The following TOX variants were observed in gnomAD, a reference collection of about 807,000 sequenced individuals.
TOX encodes the protein thymocyte selection associated high mobility group box.
A neutral mutation model predicts 53.7 loss-of-function variants in TOX; 11 were observed. The observed-to-expected ratio is 0.20, with a 90% CI of 0.13 to 0.34. The LOEUF is 0.34. Among genes scored for constraint, TOX ranks in the 10% least tolerant of loss-of-function variants. The probability of loss-of-function intolerance (pLI) is 1.00; values close to 1 mark genes in which losing one functional copy is unlikely to be tolerated. For missense variants in TOX, 570 were observed against 664.6 expected (o/e 0.86, Z 1.56); for synonymous variants, 225 against 245.3 (o/e 0.92, Z 0.77).
chr8:59,009,189 TC>T (rs1813850820), intron 1 of TOX, among the ~76,000 whole-genome samples: 1 of 151,488 alleles, frequency 6.6e-6, no homozygotes. Flanking sequence ...CTTTCTTTAT[TC>T]TTTTTTTTTC....
intron 1 of TOX, among the ~76,000 whole-genome samples, chr8:59,063,756 T>C (rs1391038185): frequency 6.6e-6 from 1 of 152,094 alleles, no homozygotes; most frequent in Non-Finnish European, 1.5e-5. Flanking sequence ...AGCTTTAAAC[T>C]TAATCTCAAC....
rs138103900 is a variant in TOX, at chr8:59,115,802, A to G, written c.102+3084T>C. On this transcript the variant is annotated intron_variant, in intron 1 of 8. Transcript: ENST00000361421. ...ACTTGCCTTAACCAACATCATTCGC[A>G]TTGTTCCCACAATGGGCTATGTGAA... 4.1e-3 allele frequency among the ~76,000 whole-genome samples: 622 copies of G among 152,216 alleles called. 7 individuals carry two copies. The highest frequency in any genetic ancestry group is 0.036 in the Admixed American group (556 of 15,280).
At chr8:59,048,010 A>G (rs1424061973) in intron 1 of TOX, among the ~76,000 whole-genome samples, 1 of 152,174 alleles carries the variant, frequency 6.6e-6, no homozygotes, top group Non-Finnish European at 1.5e-5. Context: ...CTTGATTATT[A>G]TTATAGTAAT....
At chr8:58,832,818 GT>G (rs1563365046) in intron 5 of TOX, among the ~76,000 whole-genome samples, 1 of 152,148 alleles carries the variant, frequency 6.6e-6, no homozygotes, top group Non-Finnish European at 1.5e-5. Context: ...TTCACGAGGC[GT>G]CAAACATAGG....
intron 3 of TOX, among the ~76,000 whole-genome samples, chr8:58,863,993 C>G (rs1811054694): frequency 6.6e-6 from 1 of 150,398 alleles, no homozygotes; most frequent in Non-Finnish European, 1.5e-5. Context: ...TTTTTTTTAA[C>G]ATCAGAAGGT....
At chr8:58,864,305 T>C (rs2129169375) in intron 3 of TOX, among the ~76,000 whole-genome samples, 1 of 152,306 alleles carries the variant, frequency 6.6e-6, no homozygotes, top group Middle Eastern at 3.4e-3. Flanking sequence ...TGTATTGTCC[T>C]GTAAGTCTTA....
At chr8:58,956,901 C>T in intron 2 of TOX, among the ~76,000 whole-genome samples, 1 of 152,228 alleles carries the variant, frequency 6.6e-6, no homozygotes, top group East Asian at 1.9e-4. Context: ...GCATGAGCCA[C>T]CACGCCCAGC....
At chr8:58,884,987 T>C (rs1811442573) in intron 3 of TOX, among the ~76,000 whole-genome samples, 1 of 152,174 alleles carries the variant, frequency 6.6e-6, no homozygotes, top group Non-Finnish European at 1.5e-5. Context: ...ATGTCTTTAA[T>C]ATTCCTAGAA....
intron 4 of TOX, among the ~76,000 whole-genome samples, chr8:58,850,088 C>T (rs549759965): frequency 6.2e-4 from 94 of 152,288 alleles, no homozygotes; most frequent in Non-Finnish European, 1.1e-3. Context: ...GCCTTTTCAC[C>T]TAACTCATGA....
At chr8:58,983,069 C>T (rs1813232100) in intron 1 of TOX, among the ~76,000 whole-genome samples, 1 of 152,194 alleles carries the variant, frequency 6.6e-6, no homozygotes, top group African/African-American at 2.4e-5. Flanking sequence ...GTATTTATCC[C>T]TCCTTTGAAT....
At chr8:58,841,288 A>G (rs1002395478) in intron 4 of TOX, among the ~76,000 whole-genome samples, 9 of 152,122 alleles carry the variant, frequency 5.9e-5, no homozygotes, top group Admixed American at 3.3e-4. Context: ...TGTTAGATCT[A>G]CTCCTGTTCG....
At chr8:59,027,958 T>A (rs1442137605) in intron 1 of TOX, among the ~76,000 whole-genome samples, 1 of 152,152 alleles carries the variant, frequency 6.6e-6, no homozygotes, top group Non-Finnish European at 1.5e-5. Flanking sequence ...TTATTAGGAA[T>A]CAACTCCCTA....
chr8:58,905,802 A>G (rs1051346357), intron 3 of TOX, among the ~76,000 whole-genome samples: 5 of 152,168 alleles, frequency 3.3e-5, no homozygotes, highest in African/African-American at 1.2e-4. Flanking sequence ...TTATCCAATC[A>G]TTCGACTTTG....
At chr8:58,923,442 C>T (rs4738736) in intron 3 of TOX, among the ~76,000 whole-genome samples, 45,304 of 152,004 alleles carry the variant, frequency 0.3, 7,054 homozygotes, top group East Asian at 0.41. Flanking sequence ...GGCCAAGCAT[C>T]TGGGAGGGAC....
intron 1 of TOX, among the ~76,000 whole-genome samples, chr8:59,070,934 T>C (rs958290497): frequency 3.3e-5 from 5 of 151,980 alleles, no homozygotes; most frequent in African/African-American, 4.8e-5. Context: ...CCCTGTACGA[T>C]AGAGAAATGA....
chr8:58,846,847 A>G (rs1391196316), intron 4 of TOX, among the ~76,000 whole-genome samples: 2 of 152,146 alleles, frequency 1.3e-5, no homozygotes, highest in Non-Finnish European at 2.9e-5. Context: ...TCAAGACGTA[A>G]AAGATTAGAC....
At chr8:59,081,066 G>A (rs1041315843) in intron 1 of TOX, among the ~76,000 whole-genome samples, 9 of 152,024 alleles carry the variant, frequency 5.9e-5, no homozygotes, top group South Asian at 2.1e-4. Context: ...TCACTCTGTC[G>A]CCCAGGCTGG....
chr8:59,044,740 C>T lies in TOX; in HGVS notation c.102+74146G>A, dbSNP rs138536449. Among the ~76,000 whole-genome samples the T allele has an allele frequency of 4.2e-4, 64 of 152,228 alleles. No homozygotes were observed. In the East Asian group the frequency reaches 7.3e-3, roughly 17 times the overall value. Reference sequence around the variant, plus strand: ...GTAACCCATTTCCTCTTCACACCTGCGTAAAGACTGGACAAAAGTTGAACA... The same window carrying T: ...GTAACCCATTTCCTCTTCACACCTGTGTAAAGACTGGACAAAAGTTGAACA... On this transcript the variant is annotated intron_variant, in intron 1 of 8. Transcript: ENST00000361421.
At chr8:58,987,565 T>C (rs10504272) in intron 1 of TOX, among the ~76,000 whole-genome samples, 12,564 of 152,240 alleles carry the variant, frequency 0.083, 577 homozygotes, top group Middle Eastern at 0.17. Flanking sequence ...CTAATTCTGA[T>C]TGGAGCCGGA....
Sources: gnomAD v4.1 joint callset for allele counts (sites outside exome capture counted in the v4.1 genomes callset) on GRCh38, gnomAD v4.1.1 for gene constraint, MANE v1.5 for transcripts, NCBI Gene and HGNC (gene_info 2026-07-23, HGNC 2026-07-21) for gene names.